Variants in IFT43 observed in about 807,000 individuals in gnomAD.
IFT43 encodes the protein intraflagellar transport 43.
In IFT43, 33 loss-of-function variants were observed where a neutral mutation model predicts 32.3. That is an observed-to-expected ratio of 1.02 (90% confidence interval 0.77 to 1.37). The LOEUF is 1.37. IFT43 is among the 40% of genes most tolerant of loss of function. IFT43 has a pLI of 0.00. For missense variants in IFT43, 274 were observed against 265.9 expected, an observed-to-expected ratio of 1.03 and a Z score of -0.21; for synonymous variants, 93 against 98.2, an observed-to-expected ratio of 0.95 and a Z score of 0.31.
intron 2 of IFT43, among the ~76,000 whole-genome samples, chr14:75,996,497 A>C (rs939075851): frequency 6.6e-6 from 1 of 152,268 alleles, no homozygotes; most frequent in African/African-American, 2.4e-5. Context: ...TATCCTAAAT[A>C]TCAGTTCTGT....
intron 2 of IFT43, among the ~76,000 whole-genome samples, chr14:76,012,542 CCT>C (rs2139928544): frequency 6.6e-6 from 1 of 152,346 alleles, no homozygotes; most frequent in South Asian, 2.1e-4. Flanking sequence ...ATTCCTGCCC[CCT>C]GTTTATTTTT....
chr14:76,028,071 A>G (rs1465466798), intron 3 of IFT43, among the ~76,000 whole-genome samples: 3 of 152,184 alleles, frequency 2.0e-5, no homozygotes, highest in Non-Finnish European at 4.4e-5. Flanking sequence ...GTTGTTGACC[A>G]GAACAGGTGA....
In IFT43 at chr14:76,045,710, A is replaced by G. The variant is rs568700460; in HGVS notation, c.216-12932A>G. Among the ~76,000 whole-genome samples the G allele has an allele frequency of 3.3e-5, 5 of 152,304 alleles. No homozygotes were observed. In the East Asian group the frequency reaches 9.6e-4, roughly 29 times the overall value. ...CTGCCAAGCCTCACCTCTGTTTTCC[A>G]GGCAGAAGAAAGAGTGATGTGAAAG... On this transcript the variant is annotated intron_variant, in intron 3 of 8. Coordinates refer to ENST00000314067, the MANE Select transcript of IFT43 (RefSeq NM_001102564.3).
At chr14:76,082,456 C>A in intron 6 of IFT43, 89 bp downstream of exon 6, 2 of 1,171,978 alleles carry the variant, frequency 1.7e-6, no homozygotes, top group Non-Finnish European at 2.6e-6. Context: ...TGATGTCAAT[C>A]TGGATCTTTC....
chr14:76,033,517 CT>C (rs960742751), intron 3 of IFT43, among the ~76,000 whole-genome samples: 3 of 151,478 alleles, frequency 2.0e-5, no homozygotes, highest in East Asian at 3.9e-4. Context: ...GGTTTGGCTT[CT>C]TTTTTTTTCC....
intron 5 of IFT43, among the ~76,000 whole-genome samples, chr14:76,079,614 GTTC>G (rs1167428573): frequency 3.9e-5 from 6 of 152,138 alleles, no homozygotes; most frequent in African/African-American, 1.4e-4. Flanking sequence ...AGCTGTTCAT[GTTC>G]TTCTCCGTTT....
chr14:76,063,750 A>G (rs1020983720), intron 5 of IFT43, among the ~76,000 whole-genome samples: 1 of 152,234 alleles, frequency 6.6e-6, no homozygotes, highest in Non-Finnish European at 1.5e-5. Flanking sequence ...TTGTGACTGC[A>G]CAAAGAGAAT....
intron 3 of IFT43, among the ~76,000 whole-genome samples, chr14:76,057,839 A>G (rs1019223055): frequency 6.6e-6 from 1 of 152,236 alleles, no homozygotes; most frequent in Admixed American, 6.5e-5. Flanking sequence ...ACATACAAAA[A>G]TGTAATCTCC....
At chr14:76,070,634 A>G (rs1456047450) in intron 5 of IFT43, among the ~76,000 whole-genome samples, 2 of 152,096 alleles carry the variant, frequency 1.3e-5, no homozygotes, top group African/African-American at 2.4e-5. Context: ...TGTAATCCCC[A>G]GTATTGGAGG....
intron 3 of IFT43, among the ~76,000 whole-genome samples, chr14:76,024,018 C>G (rs2036343491): frequency 6.6e-6 from 1 of 152,082 alleles, no homozygotes; most frequent in African/African-American, 2.4e-5. Flanking sequence ...TCACTAGAGA[C>G]AGAAACTAAA....
chr14:76,003,423 C>A (rs2035926155), intron 2 of IFT43, among the ~76,000 whole-genome samples: 1 of 152,074 alleles, frequency 6.6e-6, no homozygotes, highest in South Asian at 2.1e-4. Flanking sequence ...GTCAGGAGTT[C>A]AGGACCAGCC....
chr14:76,005,341 C>A (rs1007082725), intron 2 of IFT43, among the ~76,000 whole-genome samples: 1 of 152,144 alleles, frequency 6.6e-6, no homozygotes, highest in Non-Finnish European at 1.5e-5. Context: ...ATCCCATAGT[C>A]CTGGGACATG....
chr14:76,020,550 T>C (rs981239066), intron 2 of IFT43, among the ~76,000 whole-genome samples: 2 of 151,786 alleles, frequency 1.3e-5, no homozygotes, highest in Non-Finnish European at 1.5e-5. Context: ...ATCTATGGTG[T>C]TGGTAGGGTG....
At position 76,024,885 on chromosome 14, in the gene IFT43, T is replaced by G. The variant is rs374639247; in HGVS notation, c.215+2491T>G. ...TTCTAGGCCAGCCTGACAGAGAATATGATAATAAGACTGAGACATTTTGCT... is the reference window on the plus strand; with the variant it reads ...TTCTAGGCCAGCCTGACAGAGAATAGGATAATAAGACTGAGACATTTTGCT... On this transcript the variant is annotated intron_variant, in intron 3 of 8. Coordinates refer to ENST00000314067, the MANE Select transcript of IFT43 (RefSeq NM_001102564.3). 1.2e-3 allele frequency among the ~76,000 whole-genome samples: 189 copies of G among 152,354 alleles called. 5 individuals are homozygous for G. The South Asian group carries it at 0.037, about 30-fold the overall frequency.
chr14:76,013,047 G>A (rs1027998819), intron 2 of IFT43, among the ~76,000 whole-genome samples: 6 of 152,152 alleles, frequency 3.9e-5, no homozygotes, highest in Non-Finnish European at 8.8e-5. Flanking sequence ...TCAAACAGAT[G>A]TCTTCCCAAG....
intron 1 of IFT43, 70 bp from the exon 2 acceptor site, chr14:75,988,815 G>T: frequency 1.2e-6 from 2 of 1,609,726 alleles, no homozygotes; most frequent in Non-Finnish European, 1.7e-6. Context: ...ACTGCGCCCG[G>T]CTGGATTGTC....
intron 2 of IFT43, among the ~76,000 whole-genome samples, chr14:75,991,808 A>G (rs1275317662): frequency 2.6e-5 from 4 of 152,304 alleles, no homozygotes; most frequent in Admixed American, 6.5e-5. Context: ...CTCTGAAAGC[A>G]AGATGCCAGT....
intron 2 of IFT43, among the ~76,000 whole-genome samples, chr14:76,003,487 G>A (rs1210337879): frequency 5.3e-5 from 8 of 152,014 alleles, no homozygotes; most frequent in Middle Eastern, 6.8e-3. Context: ...TTAGCTGGGC[G>A]TGGTGACACA....
intron 2 of IFT43, among the ~76,000 whole-genome samples, chr14:76,004,454 G>T (rs923786018): frequency 6.6e-6 from 1 of 151,408 alleles, no homozygotes; most frequent in Non-Finnish European, 1.5e-5. Context: ...TAAAGATTTT[G>T]TCTTTATCTT....
Sources: gnomAD v4.1 joint callset for allele counts (sites outside exome capture counted in the v4.1 genomes callset) on GRCh38, gnomAD v4.1.1 for gene constraint, MANE v1.5 for transcripts, NCBI Gene and HGNC (gene_info 2026-07-23, HGNC 2026-07-21) for gene names.